FAM120B: variants seen among roughly 807,000 people sequenced by gnomAD.
The protein encoded by FAM120B is family with sequence similarity 120 member B.
In FAM120B, 83 loss-of-function variants were observed where a neutral mutation model predicts 96.3. The observed-to-expected ratio is 0.86, with a 90% CI of 0.72 to 1.03. The LOEUF is 1.03. Ranked by LOEUF, FAM120B falls within the 50% of genes least tolerant of loss-of-function variation. FAM120B has a pLI of 0.00. For missense variants in FAM120B, 1,027 were observed against 1,121.2 expected (o/e 0.92, Z 1.20); for synonymous variants, 407 against 402.7 (o/e 1.01, Z -0.13).
intron 9 of FAM120B, among the ~76,000 whole-genome samples, chr6:170,402,210 G>C (rs1458440881): frequency 1.3e-5 from 2 of 152,220 alleles, no homozygotes; most frequent in Non-Finnish European, 2.9e-5. Flanking sequence ...TTTAATATTT[G>C]CTTCCTGTAG....
intron 1 of FAM120B, among the ~76,000 whole-genome samples, chr6:170,311,983 G>A (rs961464017): frequency 3.3e-5 from 5 of 152,110 alleles, no homozygotes; most frequent in African/African-American, 4.8e-5. Context: ...TAGTTATGGC[G>A]TGCAATATCA....
In FAM120B at chr6:170,363,109, C is replaced by A. The variant is rs1465755747; in HGVS notation, c.2283+4791C>A. On this transcript the variant is annotated intron_variant, in intron 6 of 10. Transcript: ENST00000476287. This position sits in a 1 kb window ranked among gnomAD's most constrained non-coding sequence, Gnocchi z 4.5. ...GGCTCTGAAAGCCACAAAACCATCA[C>A]CCCTCCTCCTGCTGGCTTTGTCTCC... 6.6e-6 allele frequency among the ~76,000 whole-genome samples: 1 copy of A among 152,170 alleles called. No homozygotes were observed. Among genetic ancestry groups the A allele is most frequent in the African/African-American group, 2.4e-5 (1 of 41,444 alleles).
At chr6:170,296,074 C>T (rs942775421) in intron 1 of FAM120B, among the ~76,000 whole-genome samples, 4 of 152,142 alleles carry the variant, frequency 2.6e-5, no homozygotes, top group African/African-American at 7.2e-5. Flanking sequence ...CGCGTGTTTA[C>T]CTGCGGCCGG....
chr6:170,398,457 G>C (rs13192039), intron 9 of FAM120B, among the ~76,000 whole-genome samples: 2,198 of 18,306 alleles, frequency 0.12, 3 homozygotes, highest in Middle Eastern at 0.25. Context: ...TATGTCATAA[G>C]CCTTAGGAGT....
upstream of FAM120B, among the ~76,000 whole-genome samples, chr6:170,295,099 A>G (rs560696085): frequency 1.9e-3 from 295 of 152,382 alleles, 1 homozygote; most frequent in Non-Finnish European, 2.6e-3. The surrounding 1 kb of genome is among the most constrained non-coding windows in gnomAD (Gnocchi z 7.8). Context: ...CAGTTAACGT[A>G]GCAGAGGAAT....
At chr6:170,371,252 GC>G (rs1179061680) in intron 6 of FAM120B, among the ~76,000 whole-genome samples, 1 of 151,964 alleles carries the variant, frequency 6.6e-6, no homozygotes, top group East Asian at 1.9e-4. Flanking sequence ...ACAGTTTGTG[GC>G]CTTTCGTGTC....
At chr6:170,316,009 T>C (rs1784875926) in intron 1 of FAM120B, among the ~76,000 whole-genome samples, 1 of 130,066 alleles carries the variant, frequency 7.7e-6, no homozygotes, top group South Asian at 2.3e-4. Context: ...CAGTGAACTG[T>C]GATCACCCCT....
chr6:170,330,616 C>G, intron 4 of FAM120B, 66 bp downstream of exon 4: 1 of 1,211,272 alleles, frequency 8.3e-7, no homozygotes, highest in Non-Finnish European at 1.2e-6. Flanking sequence ...TCTAAGAATG[C>G]ATCAGTTATG....
chr6:170,343,949 C>T (rs908945024), intron 4 of FAM120B, among the ~76,000 whole-genome samples: 7 of 152,158 alleles, frequency 4.6e-5, no homozygotes, highest in Admixed American at 6.5e-5. Context: ...GCCTGCGGTG[C>T]TAGCCTCTCT....
chr6:170,319,679 C>G (rs1785161904), intron 2 of FAM120B, among the ~76,000 whole-genome samples: 1 of 152,110 alleles, frequency 6.6e-6, no homozygotes, highest in Admixed American at 6.5e-5. Flanking sequence ...AAATAAAGTA[C>G]AGGGAGAAGT....
At chr6:170,351,734 A>G (rs1001804890) in intron 5 of FAM120B, among the ~76,000 whole-genome samples, 22 of 152,338 alleles carry the variant, frequency 1.4e-4, no homozygotes, top group Admixed American at 3.9e-4. Context: ...CAGACAAGCA[A>G]ATGCTTAGGG....
intron 9 of FAM120B, among the ~76,000 whole-genome samples, chr6:170,400,658 A>G (rs1778523317): frequency 6.6e-6 from 1 of 152,234 alleles, no homozygotes; most frequent in Non-Finnish European, 1.5e-5. Flanking sequence ...CACTTCTTCC[A>G]AAACCAAGTT....
chr6:170,343,178 T>C (rs1345907807), intron 4 of FAM120B, among the ~76,000 whole-genome samples: 1 of 152,234 alleles, frequency 6.6e-6, no homozygotes, highest in African/African-American at 2.4e-5. Flanking sequence ...GATAAGATGA[T>C]TCCTGGAAAC....
At chr6:170,327,289 G>A (rs753900861) in intron 3 of FAM120B, among the ~76,000 whole-genome samples, 5 of 151,400 alleles carry the variant, frequency 3.3e-5, no homozygotes, top group East Asian at 1.9e-4. Context: ...CTTGTGATCC[G>A]CCCACCTCGG....
At chr6:170,353,307 A>T (rs975455066) in intron 5 of FAM120B, among the ~76,000 whole-genome samples, 8 of 152,226 alleles carry the variant, frequency 5.3e-5, no homozygotes, top group Non-Finnish European at 7.3e-5. Context: ...TCACAGCTGA[A>T]TTCTACCAGA....
At position 170,348,211 on chromosome 6, in the gene FAM120B, G is replaced by T; in HGVS notation, c.2078G>T (p.Arg693Leu). Residue 693 changes from arginine (R) to leucine (L), a missense_variant, in exon 5 of 11, where the codon CGC becomes CTC. By Grantham distance (102) the Arg-to-Leu change is moderately radical (BLOSUM62 -2). This residue lies in a region of FAM120B where 880 missense variants were observed against 980.9 expected (regional missense o/e 0.90). Transcript: ENST00000476287. Reference protein sequence around the residue: ...LNQEPEIQVRRLDTLLACFNL... With the variant: ...LNQEPEIQVRLLDTLLACFNL... ...CAAGAGCCAGAAATACAGGTTCGGC[G>T]CTTGGACACACTCCTAGCCTGTTTC... 1.9e-6 allele frequency: 3 copies of T among 1,614,042 alleles called. No homozygotes were observed. The highest frequency in any genetic ancestry group is 2.5e-6 in the Non-Finnish European group (3 of 1,179,970).
intron 4 of FAM120B, among the ~76,000 whole-genome samples, chr6:170,335,411 T>C (rs1052819048): frequency 6.6e-6 from 1 of 152,218 alleles, no homozygotes; most frequent in African/African-American, 2.4e-5. Flanking sequence ...GGCTGCATAG[T>C]ATTCCATGGT....
intron 4 of FAM120B, among the ~76,000 whole-genome samples, chr6:170,331,827 C>T (rs993828457): frequency 2.6e-5 from 4 of 152,230 alleles, no homozygotes; most frequent in African/African-American, 9.7e-5. Flanking sequence ...CTCTGTTGCA[C>T]TCCTAGAGTG....
intron 3 of FAM120B, among the ~76,000 whole-genome samples, chr6:170,327,268 G>C (rs531940662): frequency 2.0e-5 from 3 of 151,864 alleles, no homozygotes; most frequent in South Asian, 2.1e-4. Context: ...GGATGATCTC[G>C]ATCTCCTGAC....
Sources: allele counts gnomAD v4.1 joint callset (sites outside exome capture counted in the v4.1 genomes callset), GRCh38; gene constraint gnomAD v4.1.1; regional missense constraint gnomAD v4.1.1; non-coding constraint Gnocchi (gnomAD v3.1); transcripts MANE v1.5; gene names NCBI Gene and HGNC (gene_info 2026-07-23, HGNC 2026-07-21).